Variants in QSOX2 observed in about 807,000 individuals in gnomAD.
QSOX2 encodes sulfhydryl oxidase 2.
In QSOX2, 46 loss-of-function variants were observed where a neutral mutation model predicts 61.7. That is an observed-to-expected ratio of 0.75 (90% CI 0.59 to 0.95). The LOEUF (loss-of-function observed/expected upper bound fraction) is 0.95. QSOX2 is among the 40% of genes least tolerant of loss of function. The pLI is 0.00. For missense variants in QSOX2, 879 were observed against 918.9 expected (o/e 0.96, Z 0.56); for synonymous variants, 383 against 388.4 (o/e 0.99, Z 0.16).
intron 3 of QSOX2, 95 bp from the exon 4 acceptor site, chr9:136,224,207 C>T: frequency 1.1e-6 from 1 of 941,046 alleles, no homozygotes; most frequent in Non-Finnish European, 1.6e-6. Context: ...CAGCCTGGGG[C>T]CCAAAGACAG....
intron 1 of QSOX2, among the ~76,000 whole-genome samples, chr9:136,238,797 T>C (rs1830411925): frequency 6.6e-6 from 1 of 152,252 alleles, no homozygotes; most frequent in African/African-American, 2.4e-5. Flanking sequence ...TGAGCCTGCA[T>C]CTGCCTGCTG....
At position 136,216,602 on chromosome 9, in the gene QSOX2, G is replaced by T. The variant is rs1203256680; in HGVS notation, c.1207C>A (p.Arg403=). 3 of 1,613,524 alleles carry T rather than the reference G, an allele frequency of 1.9e-6. No individual in the cohort carries two copies. The South Asian group carries it at 3.3e-5, about 18-fold the overall frequency. ...CTGGCGAGGGTTCTGGGGCTCACCC[G>T]CATCTTGTTGTTGACCAGGTCAAGC... ...AVLDLVNNKM[R]ISGIFLTNHI... is the part of the protein sequence containing the mutation. Residue 403 remains arginine, a splice_region_variant and synonymous_variant, in exon 9 of 12, where the codon CGG becomes AGG. Transcript: ENST00000358701.
intron 1 of QSOX2, among the ~76,000 whole-genome samples, chr9:136,240,980 C>G (rs1466943717): frequency 6.6e-6 from 1 of 152,176 alleles, no homozygotes; most frequent in Admixed American, 6.5e-5. Context: ...ACCGGCATGA[C>G]ACAGCGGAGA....
chr9:136,215,372 C>A, intron 9 of QSOX2, 68 bp from the exon 10 acceptor site: 2 of 1,468,720 alleles, frequency 1.4e-6, no homozygotes, highest in Admixed American at 4.1e-5. Flanking sequence ...AAACAGTCGA[C>A]AGCTGCCTTC....
Position 136,237,523 on chromosome 9 carries a change from G to GACACCTGGAGCCCGTCCTGTGCCGGCC in QSOX2, c.328+7952_328+7953insGGCCGGCACAGGACGGGCTCCAGGTGT, listed in dbSNP as rs1564298061. On this transcript the variant is annotated intron_variant, in intron 1 of 11. Transcript: ENST00000358701. ...CACCTGGAGCCCGTCCTGTGCCGGC[G>GACACCTGGAGCCCGTCCTGTGCCGGCC]ACACCTGGAGCCCGTCCTGTGCCAC... Among the ~76,000 whole-genome samples, 66 of 69,384 alleles carry GACACCTGGAGCCCGTCCTGTGCCGGCC rather than the reference G, an allele frequency of 9.5e-4. 4 individuals carry two copies. Among genetic ancestry groups the GACACCTGGAGCCCGTCCTGTGCCGGCC allele is most frequent in the African/African-American group, 4.0e-3 (62 of 15,502 alleles). The allele number at this position is 69,384 out of a possible 152,430, so 45.5% of individuals were successfully genotyped here. A position where few individuals can be genotyped will look rare whatever the true frequency, so the allele number is the denominator to read the frequency against.
intron 1 of QSOX2, among the ~76,000 whole-genome samples, chr9:136,233,354 C>T (rs1434512176): frequency 9.9e-5 from 15 of 152,172 alleles, no homozygotes; most frequent in Admixed American, 9.2e-4. Flanking sequence ...AGTTCAACAC[C>T]GAAGGCTTCA....
In QSOX2 at chr9:136,216,586, G is replaced by A. The variant is rs754786673; in HGVS notation, c.1209+14C>T. 6.2e-7 allele frequency: 1 copy of A among 1,613,388 alleles called. No individual in the cohort carries two copies. Among genetic ancestry groups the A allele is most frequent in the South Asian group, 1.1e-5 (1 of 91,040 alleles). On this transcript the variant is annotated intron_variant, in intron 9 of 11. Coordinates refer to ENST00000358701, the MANE Select transcript of QSOX2 (RefSeq NM_181701.4). ...GGAGGGTGCAGCGTGGCTGGCGAGG[G>A]TTCTGGGGCTCACCCGCATCTTGTT...
At chr9:136,239,882 G>A (rs1003943382) in intron 1 of QSOX2, among the ~76,000 whole-genome samples, 1 of 152,240 alleles carries the variant, frequency 6.6e-6, no homozygotes, top group Non-Finnish European at 1.5e-5. Context: ...GCAGATGGAC[G>A]GTATTCATGG....
rs956594888 is a variant in QSOX2, at chr9:136,207,704, T to G, written c.*1024A>C. 2.0e-5 allele frequency: 3 copies of G among 152,396 alleles called. No individual in the cohort carries two copies. Among genetic ancestry groups the G allele is most frequent in the Non-Finnish European group, 4.4e-5 (3 of 68,112 alleles). 9.4% of individuals were successfully genotyped at this position (152,396 alleles called of 1,614,324 possible). A position where few individuals can be genotyped will look rare whatever the true frequency, so the allele number is the denominator to read the frequency against. On this transcript the variant is annotated 3_prime_UTR_variant, in exon 12 of 12. Coordinates refer to ENST00000358701, the MANE Select transcript of QSOX2 (RefSeq NM_181701.4). Reference sequence around the variant, plus strand: ...CCGTGGGCCGAGTGAGATGCTTGTGTGTGCAGCAGGTGCCTCTGTGGTGCT... The same window carrying G: ...CCGTGGGCCGAGTGAGATGCTTGTGGGTGCAGCAGGTGCCTCTGTGGTGCT...
In QSOX2 at chr9:136,215,845, G is replaced by T. The variant is rs1378442814; in HGVS notation, c.1210-541C>A. ...CCTTTTCCTCCCTAAGGACTCCTGAGCCCAGGACGTGCTCTCGAGGGAGAT... is the reference window on the plus strand; with the variant it reads ...CCTTTTCCTCCCTAAGGACTCCTGATCCCAGGACGTGCTCTCGAGGGAGAT... On this transcript the variant is annotated intron_variant, in intron 9 of 11. Coordinates refer to ENST00000358701, the MANE Select transcript of QSOX2 (RefSeq NM_181701.4). Among the ~76,000 whole-genome samples the T allele has an allele frequency of 2.6e-5, 4 of 152,216 alleles. No individual in the cohort carries two copies. In the South Asian group the frequency reaches 8.3e-4, roughly 32 times the overall value.
chr9:136,236,859 T>C (rs1238215015), intron 1 of QSOX2, among the ~76,000 whole-genome samples: 1 of 129,584 alleles, frequency 7.7e-6, no homozygotes, highest in African/African-American at 3.0e-5. Flanking sequence ...GGAGCCTGTC[T>C]TGTGCCACAC....
Position 136,208,211 on chromosome 9 carries a change from C to T in QSOX2, c.*517G>A. 1 of 142,978 alleles carries T rather than the reference C, an allele frequency of 7.0e-6. No individual in the cohort carries two copies. The highest frequency in any genetic ancestry group is 1.5e-5 in the Non-Finnish European group (1 of 65,598). The allele number at this position is 142,978 out of a possible 1,614,324, so 8.9% of individuals were successfully genotyped here. ...CGACTGCGCTTCCGGCTCTGTCTGT[C>T]CCCGCCCGGCTAAAGGAAAACACTT... On this transcript the variant is annotated 3_prime_UTR_variant, in exon 12 of 12. Coordinates refer to ENST00000358701, the MANE Select transcript of QSOX2 (RefSeq NM_181701.4).
chr9:136,238,340 T>C (rs1325358177), intron 1 of QSOX2, among the ~76,000 whole-genome samples: 1 of 152,242 alleles, frequency 6.6e-6, no homozygotes, highest in Non-Finnish European at 1.5e-5. Context: ...CCCACCTCCC[T>C]GCACCCTCTC....
At position 136,222,462 on chromosome 9, in the gene QSOX2, T is replaced by C. The variant is rs10114171; in HGVS notation, c.676-521A>G. ...CATCTCAGGATTTTGGAAGAAACCC[T>C]GCGTGCGCCACCACCACATCGGGCG... On this transcript the variant is annotated intron_variant, in intron 5 of 11. Coordinates refer to ENST00000358701, the MANE Select transcript of QSOX2 (RefSeq NM_181701.4). The surrounding 1 kb of genome is among the most constrained non-coding windows in gnomAD (Gnocchi z 6.9). Among the ~76,000 whole-genome samples, 17,788 of 152,196 alleles carry C rather than the reference T, an allele frequency of 0.12. 1,732 individuals carry two copies. Among genetic ancestry groups the C allele is most frequent in the African/African-American group, 0.27 (11,093 of 41,474 alleles).
Position 136,221,773 on chromosome 9 carries a change from C to T in QSOX2, c.821+23G>A, listed in dbSNP as rs759539410. On this transcript the variant is annotated intron_variant, in intron 6 of 11. Coordinates refer to ENST00000358701, the MANE Select transcript of QSOX2 (RefSeq NM_181701.4). This position sits in a 1 kb window ranked among gnomAD's most constrained non-coding sequence, Gnocchi z 4.5. ...GGTAACTCCGAGCGGCACGGAGTTC[C>T]CAGACCCCACCCGGGCACTCACACG... is the stretch of plus-strand genomic sequence containing the variant. 3.8e-6 allele frequency: 6 copies of T among 1,575,672 alleles called. No homozygotes were observed. The Admixed American group carries it at 1.1e-4, about 28-fold the overall frequency.
In QSOX2 at chr9:136,207,281, T is replaced by C. The variant is rs148384572; in HGVS notation, c.*1447A>G. The C allele has an allele frequency of 7.4e-3, 1,126 of 152,338 alleles. 12 individuals are homozygous for C. Among genetic ancestry groups the C allele is most frequent in the Non-Finnish European group, 9.5e-3 (647 of 68,040 alleles). 9.4% of individuals were successfully genotyped at this position (152,338 alleles called of 1,614,324 possible). A position where few individuals can be genotyped will look rare whatever the true frequency, so the allele number is the denominator to read the frequency against. ...TATGAATACATCCATGTCATCAACT[T>C]GTTAGTAAACACATGATTATACAAC... On this transcript the variant is annotated 3_prime_UTR_variant, in exon 12 of 12. Coordinates refer to ENST00000358701, the MANE Select transcript of QSOX2 (RefSeq NM_181701.4).
chr9:136,213,062 C>T (rs1831867098), intron 10 of QSOX2, among the ~76,000 whole-genome samples: 1 of 152,092 alleles, frequency 6.6e-6, no homozygotes, highest in African/African-American at 2.4e-5. Context: ...AACTTCTCCC[C>T]TTGGCCAACA....
At position 136,222,191 on chromosome 9, in the gene QSOX2, G is replaced by A. The variant is rs79413554; in HGVS notation, c.676-250C>T. Reference sequence around the variant, plus strand: ...AACTCATCAAAGAAAACACTTATCCGCGAATTTGCACTTGACTTTCTAAAA... The same window carrying A: ...AACTCATCAAAGAAAACACTTATCCACGAATTTGCACTTGACTTTCTAAAA... On this transcript the variant is annotated intron_variant, in intron 5 of 11. Coordinates refer to ENST00000358701, the MANE Select transcript of QSOX2 (RefSeq NM_181701.4). The surrounding 1 kb of genome is among the most constrained non-coding windows in gnomAD (Gnocchi z 6.9). Among the ~76,000 whole-genome samples, 280 of 152,234 alleles carry A rather than the reference G, an allele frequency of 1.8e-3. 1 individual carries two copies. Among genetic ancestry groups the A allele is most frequent in the African/African-American group, 6.4e-3 (267 of 41,532 alleles).
Position 136,219,132 on chromosome 9 carries a change from T to C in QSOX2, c.854A>G (p.Tyr285Cys). ...CCTCACATCCGGCAATGACTTCAAA[T>C]AAGACGAAAAGAAGGCCCGCAGAGG... The part of the protein sequence containing the change: ...VKPLRAFFSS[Y>C]LKSLPDVRKK... The change falls in exon 7 of 12, where the codon TAT becomes TGT. Residue 285 changes from tyrosine to cysteine, a missense_variant. Tyr to Cys is a radical substitution (Grantham distance 194). Coordinates refer to ENST00000358701, the MANE Select transcript of QSOX2 (RefSeq NM_181701.4). 6.2e-7 allele frequency: 1 copy of C among 1,613,998 alleles called. No individual in the cohort carries two copies. Among genetic ancestry groups the C allele is most frequent in the African/African-American group, 1.3e-5 (1 of 75,040 alleles).
Sources: gnomAD v4.1 joint callset for allele counts (sites outside exome capture counted in the v4.1 genomes callset) on GRCh38, gnomAD v4.1.1 for gene constraint, Gnocchi (gnomAD v3.1) non-coding constraint, MANE v1.5 for transcripts, NCBI Gene and HGNC (gene_info 2026-07-23, HGNC 2026-07-21) for gene names.